GNAQ: variants seen among roughly 807,000 people sequenced by gnomAD.
GNAQ encodes the protein G protein subunit alpha q.
A neutral mutation model predicts 43.9 loss-of-function variants in GNAQ; 8 were observed. The ratio of observed to expected loss-of-function variants is 0.18; its 90% confidence interval spans 0.11 to 0.33. The LOEUF (loss-of-function observed/expected upper bound fraction) is 0.33. GNAQ is among the 10% of genes least tolerant of loss of function. GNAQ has a pLI of 1.00. For missense variants in GNAQ, 158 were observed against 450.8 expected, an observed-to-expected ratio of 0.35 and a Z score of 5.88; for synonymous variants, 155 against 170.7, an observed-to-expected ratio of 0.91 and a Z score of 0.71.
chr9:77,826,632 G>A lies in GNAQ; in HGVS notation c.322-10862C>T, dbSNP rs564720506. On this transcript the variant is annotated intron_variant, in intron 2 of 6. Coordinates refer to ENST00000286548, the MANE Select transcript of GNAQ (RefSeq NM_002072.5). ...CAGTGTTATAAGGGCCTACGGCTTT[G>A]GAGTCAAACACATTGAATCAAACCA... 6.6e-5 allele frequency among the ~76,000 whole-genome samples: 10 copies of A among 152,274 alleles called. No individual in the cohort carries two copies. In the East Asian group the frequency reaches 1.7e-3, roughly 26 times the overall value.
chr9:77,956,753 T>A (rs1211379639), intron 1 of GNAQ, among the ~76,000 whole-genome samples: 1 of 152,182 alleles, frequency 6.6e-6, no homozygotes. Context: ...TTCCTCTGCA[T>A]ATGCAATATG....
In GNAQ at chr9:77,843,613, C is replaced by T. The variant is rs537230163; in HGVS notation, c.322-27843G>A. Among the ~76,000 whole-genome samples, 18 of 152,166 alleles carry T rather than the reference C, an allele frequency of 1.2e-4. No homozygotes were observed. The South Asian group carries it at 3.5e-3, about 30-fold the overall frequency. ...TGGATAGAGTAGTTTGGCATATTTG[C>T]CCTATGAAGTCAGAGGAAACTGGTG... On this transcript the variant is annotated intron_variant, in intron 2 of 6. Transcript: ENST00000286548.
chr9:77,813,002 T>C (rs1476195951), intron 3 of GNAQ, among the ~76,000 whole-genome samples: 1 of 152,022 alleles, frequency 6.6e-6, no homozygotes, highest in Non-Finnish European at 1.5e-5. Context: ...AACCTCTGCC[T>C]CCCGGGTTCA....
chr9:77,859,861 A>G (rs1286542434), intron 2 of GNAQ, among the ~76,000 whole-genome samples: 1 of 152,236 alleles, frequency 6.6e-6, no homozygotes, highest in African/African-American at 2.4e-5. Context: ...TCTTGGTCTC[A>G]AAAAAGTGAA....
At chr9:77,820,886 A>C (rs556473433) in intron 2 of GNAQ, among the ~76,000 whole-genome samples, 13 of 152,342 alleles carry the variant, frequency 8.5e-5, no homozygotes, top group African/African-American at 2.9e-4. Context: ...CTGTTAGGAA[A>C]AGTAAAAGAG....
At chr9:77,774,654 G>T (rs1010853805) in intron 5 of GNAQ, among the ~76,000 whole-genome samples, 3 of 151,956 alleles carry the variant, frequency 2.0e-5, no homozygotes, top group Non-Finnish European at 2.9e-5. Flanking sequence ...GTAGAGACAG[G>T]GTCTCACTCT....
chr9:78,020,595 C>T (rs1377426923), intron 1 of GNAQ, among the ~76,000 whole-genome samples: 3 of 152,116 alleles, frequency 2.0e-5, no homozygotes, highest in African/African-American at 4.8e-5. Flanking sequence ...ATGGTGGAGG[C>T]GGCCAGAAGA....
intron 1 of GNAQ, among the ~76,000 whole-genome samples, chr9:77,923,688 C>T (rs930425097): frequency 1.3e-5 from 2 of 151,588 alleles, no homozygotes; most frequent in East Asian, 1.9e-4. Context: ...ATATTAAAGA[C>T]GGAATAATAG....
intron 2 of GNAQ, among the ~76,000 whole-genome samples, chr9:77,864,879 G>A (rs1827922473): frequency 6.6e-6 from 1 of 152,100 alleles, no homozygotes; most frequent in South Asian, 2.1e-4. Context: ...AATCTCCTTG[G>A]TGGTTTCCAT....
intron 2 of GNAQ, among the ~76,000 whole-genome samples, chr9:77,833,288 A>G (rs1413774591): frequency 6.6e-6 from 1 of 152,176 alleles, no homozygotes; most frequent in Non-Finnish European, 1.5e-5. Flanking sequence ...TTTTTAAAAT[A>G]TCATCTACTA....
At chr9:77,920,301 T>C (rs1024919404) in intron 2 of GNAQ, among the ~76,000 whole-genome samples, 4 of 152,146 alleles carry the variant, frequency 2.6e-5, no homozygotes, top group African/African-American at 9.7e-5. Context: ...CAGGGCAAGG[T>C]CCTGAAGGAT....
intron 1 of GNAQ, among the ~76,000 whole-genome samples, chr9:77,977,728 C>T (rs1823322263): frequency 1.3e-5 from 2 of 152,200 alleles, no homozygotes. Flanking sequence ...GGAACATTTT[C>T]ACTTTGCAAG....
At chr9:77,773,055 T>A (rs1826251392) in intron 5 of GNAQ, among the ~76,000 whole-genome samples, 1 of 152,258 alleles carries the variant, frequency 6.6e-6, no homozygotes, top group Non-Finnish European at 1.5e-5. Context: ...TTATAAATAT[T>A]AGTAGCTGTA....
chr9:77,949,486 A>G (rs1317602555), intron 1 of GNAQ, among the ~76,000 whole-genome samples: 1 of 152,224 alleles, frequency 6.6e-6, no homozygotes, highest in East Asian at 1.9e-4. Context: ...GAACTTGGTT[A>G]GCATGGACCC....
intron 1 of GNAQ, among the ~76,000 whole-genome samples, chr9:78,009,296 C>T (rs1326193555): frequency 6.6e-6 from 1 of 152,138 alleles, no homozygotes; most frequent in South Asian, 2.1e-4. Context: ...GCCAGGGGTG[C>T]CACCCGCCAC....
At chr9:77,985,447 A>G (rs1221697923) in intron 1 of GNAQ, among the ~76,000 whole-genome samples, 1 of 152,218 alleles carries the variant, frequency 6.6e-6, no homozygotes, top group East Asian at 1.9e-4. Context: ...TGTTGCAGAA[A>G]TTCCTACTCC....
rs1471117416 is a variant in GNAQ, at chr9:77,717,963, T to C, written c.*3360A>G. Reference sequence around the variant, plus strand: ...CAGATATGAGGCACAAACTTCTGAATTTAAGCTCTGTAAGGCATAGTAGAA... The same window carrying C: ...CAGATATGAGGCACAAACTTCTGAACTTAAGCTCTGTAAGGCATAGTAGAA... On this transcript the variant is annotated 3_prime_UTR_variant, in exon 7 of 7. Transcript: ENST00000286548. 4.3e-6 allele frequency: 1 copy of C among 232,652 alleles called. No homozygotes were observed. The highest frequency in any genetic ancestry group is 6.1e-5 in the East Asian group (1 of 16,488). The allele number at this position is 232,652 out of a possible 1,614,324, so 14.4% of individuals were successfully genotyped here.
At chr9:78,019,974 A>T (rs1823887839) in intron 1 of GNAQ, among the ~76,000 whole-genome samples, 1 of 151,972 alleles carries the variant, frequency 6.6e-6, no homozygotes, top group Non-Finnish European at 1.5e-5. Context: ...ACCTTTAAAA[A>T]TCCTAGGGAA....
intron 2 of GNAQ, among the ~76,000 whole-genome samples, chr9:77,862,685 T>C (rs1342692316): frequency 1.3e-5 from 2 of 152,204 alleles, no homozygotes; most frequent in African/African-American, 4.8e-5. Flanking sequence ...ATTTTCCCTA[T>C]TGTCTTGGGG....
Sources: allele counts gnomAD v4.1 joint callset (sites outside exome capture counted in the v4.1 genomes callset), GRCh38; gene constraint gnomAD v4.1.1; transcripts MANE v1.5; gene names NCBI Gene and HGNC (gene_info 2026-07-23, HGNC 2026-07-21).